NKAIN3: variants seen among roughly 807,000 people sequenced by gnomAD.
NKAIN3 encodes sodium/potassium-transporting ATPase subunit beta-1-interacting protein 3.
Under a neutral mutation model 30.2 loss-of-function variants are expected in NKAIN3, and 25 were observed. The ratio of observed to expected loss-of-function variants is 0.83; its 90% CI spans 0.60 to 1.16. NKAIN3 has a LOEUF of 1.16. Among genes scored for constraint, NKAIN3 ranks in the 50% most tolerant of loss-of-function variants. NKAIN3 has a pLI of 0.00. For missense variants in NKAIN3, 225 were observed against 254.1 expected (o/e 0.89, Z 0.78); for synonymous variants, 91 against 89.6 (o/e 1.02, Z -0.09).
At chr8:62,616,685 C>T (rs570998910) in intron 3 of NKAIN3, among the ~76,000 whole-genome samples, 3 of 152,206 alleles carry the variant, frequency 2.0e-5, no homozygotes, top group Admixed American at 6.5e-5. Context: ...GTGATTCATT[C>T]GGTCTCCAGT....
chr8:62,637,720 C>T (rs1458840033), intron 3 of NKAIN3, among the ~76,000 whole-genome samples: 2 of 152,102 alleles, frequency 1.3e-5, no homozygotes, highest in East Asian at 1.9e-4. Flanking sequence ...AAAGAAGCCT[C>T]CCAGGGCTTG....
chr8:62,982,838 TC>T lies in NKAIN3; in HGVS notation c.*17432del, dbSNP rs1168710217. 6.6e-6 allele frequency: 1 copy of T among 152,156 alleles called. No homozygotes were observed. Among genetic ancestry groups the T allele is most frequent in the Non-Finnish European group, 1.5e-5 (1 of 68,024 alleles). The allele number at this position is 152,156 out of a possible 1,614,324, so 9.4% of individuals were successfully genotyped here. A position where few individuals can be genotyped will look rare whatever the true frequency, so the allele number is the denominator to read the frequency against. On this transcript the variant is annotated 3_prime_UTR_variant, in exon 7 of 7. Transcript: ENST00000623646. ...TGGGAAGTTGTCATCCTCCACAAGA[TC>T]TTGCCCACACTCAAAACAAACTTGC...
intron 1 of NKAIN3, among the ~76,000 whole-genome samples, chr8:62,337,737 C>T (rs1391313035): frequency 6.6e-6 from 1 of 151,970 alleles, no homozygotes; most frequent in Non-Finnish European, 1.5e-5. Context: ...ATAGCAGTTA[C>T]TGTAAGTCTC....
intron 4 of NKAIN3, among the ~76,000 whole-genome samples, chr8:62,876,156 G>C (rs139918701): frequency 6.6e-6 from 1 of 152,060 alleles, no homozygotes; most frequent in East Asian, 1.9e-4. Flanking sequence ...ATCAAAAAGC[G>C]GGCAAAGGAT....
At chr8:62,850,652 C>A (rs1432720612) in intron 4 of NKAIN3, among the ~76,000 whole-genome samples, 1 of 146,598 alleles carries the variant, frequency 6.8e-6, no homozygotes, top group African/African-American at 2.5e-5. Context: ...AGGAAGGGAT[C>A]CAGTTTCAGC....
At chr8:62,525,894 A>T (rs544399510) in intron 1 of NKAIN3, among the ~76,000 whole-genome samples, 2 of 152,308 alleles carry the variant, frequency 1.3e-5, no homozygotes, top group Non-Finnish European at 2.9e-5. Context: ...TATTTTATAG[A>T]ACCATGATTA....
intron 3 of NKAIN3, among the ~76,000 whole-genome samples, chr8:62,604,372 A>G (rs1811063237): frequency 6.6e-6 from 1 of 152,142 alleles, no homozygotes; most frequent in Non-Finnish European, 1.5e-5. Context: ...CAGGAAAAAT[A>G]CAGTACACAG....
At chr8:62,362,241 T>C (rs1349048304) in intron 1 of NKAIN3, among the ~76,000 whole-genome samples, 3 of 152,170 alleles carry the variant, frequency 2.0e-5, no homozygotes, top group African/African-American at 7.2e-5. Flanking sequence ...TAAAACAGAA[T>C]AGGAGCCCCA....
intron 4 of NKAIN3, among the ~76,000 whole-genome samples, chr8:62,884,123 A>G (rs1821073061): frequency 6.6e-6 from 1 of 152,104 alleles, no homozygotes; most frequent in South Asian, 2.1e-4. Flanking sequence ...ATTTTGTTGA[A>G]GTTTTTGTGT....
At chr8:62,699,245 G>T (rs1381954336) in intron 3 of NKAIN3, among the ~76,000 whole-genome samples, 1 of 152,056 alleles carries the variant, frequency 6.6e-6, no homozygotes, top group African/African-American at 2.4e-5. Flanking sequence ...TTCAAAAAAG[G>T]TCAAACAAGT....
intron 2 of NKAIN3, among the ~76,000 whole-genome samples, chr8:62,583,282 C>G (rs1335446433): frequency 6.6e-6 from 1 of 152,110 alleles, no homozygotes. Flanking sequence ...CTCCCTCCTC[C>G]CTCCTATGCG....
chr8:62,386,420 A>C (rs1028735810), intron 1 of NKAIN3, among the ~76,000 whole-genome samples: 8 of 152,352 alleles, frequency 5.3e-5, no homozygotes, highest in African/African-American at 1.9e-4. Context: ...AGTGTTAGGC[A>C]AAAAACACTA....
chr8:62,820,773 A>G (rs1177774032), intron 4 of NKAIN3, among the ~76,000 whole-genome samples: 1 of 152,178 alleles, frequency 6.6e-6, no homozygotes, highest in African/African-American at 2.4e-5. Context: ...ATGAAGCTTG[A>G]TTATGTTAGA....
intron 4 of NKAIN3, among the ~76,000 whole-genome samples, chr8:62,898,799 C>T (rs997557572): frequency 6.7e-6 from 1 of 148,364 alleles, no homozygotes; most frequent in African/African-American, 2.5e-5. Context: ...AGATGATGTA[C>T]AGAATGGGAG....
intron 5 of NKAIN3, among the ~76,000 whole-genome samples, chr8:62,945,680 T>A (rs756292728): frequency 2.8e-4 from 43 of 152,034 alleles, no homozygotes; most frequent in Non-Finnish European, 5.3e-4. Context: ...ATTTAGGAGG[T>A]CTTACATTCA....
chr8:62,814,999 A>C (rs1818628718), intron 4 of NKAIN3, among the ~76,000 whole-genome samples: 1 of 152,166 alleles, frequency 6.6e-6, no homozygotes, highest in African/African-American at 2.4e-5. Context: ...CTAATAGAGA[A>C]GAATCAAATA....
At chr8:62,468,087 G>T (rs1328162548) in intron 1 of NKAIN3, among the ~76,000 whole-genome samples, 1 of 151,988 alleles carries the variant, frequency 6.6e-6, no homozygotes, top group Non-Finnish European at 1.5e-5. Context: ...TCTTACATAA[G>T]TTCAGCCACA....
chr8:62,324,350 T>G (rs1815043330), intron 1 of NKAIN3, among the ~76,000 whole-genome samples: 1 of 152,060 alleles, frequency 6.6e-6, no homozygotes, highest in African/African-American at 2.4e-5. Flanking sequence ...AAATAGAAAC[T>G]TTTTAATAAT....
chr8:62,787,548 C>G (rs1367113864), intron 4 of NKAIN3, among the ~76,000 whole-genome samples: 2 of 152,088 alleles, frequency 1.3e-5, no homozygotes, highest in African/African-American at 4.8e-5. Flanking sequence ...TATTAATATA[C>G]TTTAACTTTT....
Sources: allele counts gnomAD v4.1 joint callset (sites outside exome capture counted in the v4.1 genomes callset), GRCh38; gene constraint gnomAD v4.1.1; transcripts MANE v1.5; gene names NCBI Gene and HGNC (gene_info 2026-07-23, HGNC 2026-07-21).